POU2F3: variants seen among roughly 807,000 people sequenced by gnomAD.
The protein encoded by POU2F3 is POU class 2 homeobox 3, also known as POU domain, class 2, transcription factor 3.
Under a neutral mutation model 59.2 loss-of-function variants are expected in POU2F3, and 23 were observed. The ratio of observed to expected loss-of-function variants is 0.39; its 90% CI spans 0.28 to 0.55. The LOEUF is 0.55. Ranked by LOEUF, POU2F3 falls within the 20% of genes least tolerant of loss-of-function variation. The probability of loss-of-function intolerance (pLI) is 0.66; values close to 1 mark genes in which losing one functional copy is unlikely to be tolerated. For missense variants in POU2F3, 473 were observed against 544.5 expected, an observed-to-expected ratio of 0.87 and a Z score of 1.31; for synonymous variants, 190 against 214.6, an observed-to-expected ratio of 0.89 and a Z score of 1.00.
At chr11:120,238,025 G>T (rs1417811528), upstream of POU2F3, among the ~76,000 whole-genome samples, 1 of 152,134 alleles carries the variant, frequency 6.6e-6, no homozygotes, top group East Asian at 1.9e-4. Flanking sequence ...CAGATCACCT[G>T]AGGTCAGGAG....
chr11:120,293,738 T>C (rs767856967), intron 3 of POU2F3, among the ~76,000 whole-genome samples: 1 of 152,110 alleles, frequency 6.6e-6, no homozygotes, highest in Non-Finnish European at 1.5e-5. Context: ...GGGTTAAAGA[T>C]GAGTACCCCA....
At position 120,302,145 on chromosome 11, in the gene POU2F3, A is replaced by G. The variant is rs192733883; in HGVS notation, c.362-141A>G. ...CTGGCAGTGCTAGGAGGGCCTCTCC[A>G]TGGGACTTGAGGTGGGTGGAGGGAC... On this transcript the variant is annotated intron_variant, in intron 5 of 12. Coordinates refer to ENST00000543440, the MANE Select transcript of POU2F3 (RefSeq NM_014352.4). 54 of 668,282 alleles carry G rather than the reference A, an allele frequency of 8.1e-5. No homozygotes were observed. The Admixed American group carries it at 1.0e-3, about 13-fold the overall frequency. The allele number at this position is 668,282 out of a possible 1,614,324, so 41.4% of individuals were successfully genotyped here.
At chr11:120,237,028 G>A (rs190926875), upstream of POU2F3, among the ~76,000 whole-genome samples, 447 of 152,312 alleles carry the variant, frequency 2.9e-3, 1 homozygote, top group Non-Finnish European at 5.1e-3. Flanking sequence ...AGAAGGGGAA[G>A]CTCAGATTCA....
chr11:120,285,405 C>G lies in POU2F3; in HGVS notation c.133-12860C>G, dbSNP rs139560145. Reference sequence around the variant, plus strand: ...CCCGCTTCTGTTTCAGGGCCTGTGTCTGTCCCAATCACATGGCAGCCCTTC... The same window carrying G: ...CCCGCTTCTGTTTCAGGGCCTGTGTGTGTCCCAATCACATGGCAGCCCTTC... On this transcript the variant is annotated intron_variant, in intron 3 of 12. Coordinates refer to ENST00000543440, the MANE Select transcript of POU2F3 (RefSeq NM_014352.4). This position sits in a 1 kb window ranked among gnomAD's most constrained non-coding sequence, Gnocchi z 4.3. Among the ~76,000 whole-genome samples the G allele has an allele frequency of 8.9e-3, 1,355 of 152,308 alleles. 7 individuals are homozygous for G. The highest frequency in any genetic ancestry group is 0.014 in the Non-Finnish European group (982 of 68,032).
chr11:120,309,414 G>T lies in POU2F3; in HGVS notation c.907-11G>T. On this transcript the variant is annotated splice_polypyrimidine_tract_variant and intron_variant, in intron 9 of 12. Coordinates refer to ENST00000543440, the MANE Select transcript of POU2F3 (RefSeq NM_014352.4). The stretch of plus-strand genomic sequence containing the variant: ...TCTCTTGGCCATACTCTGTCCTTTC[G>T]GTGCCTATAGAACCCAAAACCCAGC... 3.1e-6 allele frequency: 5 copies of T among 1,607,040 alleles called. No individual in the cohort carries two copies. Among genetic ancestry groups the T allele is most frequent in the Non-Finnish European group, 4.3e-6 (5 of 1,173,914 alleles).
chr11:120,254,314 G>C (rs1939241833), intron 2 of POU2F3: 1 of 152,388 alleles, frequency 6.6e-6, no homozygotes, highest in South Asian at 2.1e-4. Flanking sequence ...CACCCGCATA[G>C]ACAAGCAGAC....
chr11:120,240,005 C>G (rs928826519), upstream of POU2F3, among the ~76,000 whole-genome samples: 2 of 152,128 alleles, frequency 1.3e-5, no homozygotes, highest in Non-Finnish European at 1.5e-5. Flanking sequence ...CCCGGCAGCA[C>G]CCCCGGCCCC....
chr11:120,240,973 A>C (rs1938639647), intron 1 of POU2F3, among the ~76,000 whole-genome samples: 1 of 152,132 alleles, frequency 6.6e-6, no homozygotes, highest in Non-Finnish European at 1.5e-5. Flanking sequence ...TAAGGGGTGG[A>C]AACCTAGGAG....
At chr11:120,271,159 A>G (rs975823816) in intron 3 of POU2F3, among the ~76,000 whole-genome samples, 1 of 152,218 alleles carries the variant, frequency 6.6e-6, no homozygotes, top group Admixed American at 6.5e-5. Flanking sequence ...ATGAAAGCCA[A>G]CTACCCTCCC....
intron 3 of POU2F3, among the ~76,000 whole-genome samples, chr11:120,274,104 G>GAAGA: frequency 1.3e-5 from 1 of 74,704 alleles, no homozygotes; most frequent in South Asian, 4.5e-4. Context: ...AGGAAGGAAG[G>GAAGA]AAGAAAGGAA....
chr11:120,290,040 C>T (rs1200608064), intron 3 of POU2F3, among the ~76,000 whole-genome samples: 3 of 152,184 alleles, frequency 2.0e-5, no homozygotes, highest in Non-Finnish European at 2.9e-5. Flanking sequence ...GGGCAGGAAA[C>T]TGTTTCATTC....
rs924654606 is a variant in POU2F3 at position 120,245,780 on chromosome 11, T to G, written c.29-669T>G. ...TAGGTATTCTCTTTCTGTGGGGCAC[T>G]GACCCGCTGCCATCCCTTTCTCACT... On this transcript the variant is annotated intron_variant, in intron 1 of 12. Coordinates refer to ENST00000543440, the MANE Select transcript of POU2F3 (RefSeq NM_014352.4). Among the ~76,000 whole-genome samples, 5 of 152,200 alleles carry G rather than the reference T, an allele frequency of 3.3e-5. No homozygotes were observed. In the East Asian group the frequency reaches 9.6e-4, roughly 29 times the overall value.
At chr11:120,295,555 TGTA>T (rs1250243030) in intron 3 of POU2F3, among the ~76,000 whole-genome samples, 1 of 152,240 alleles carries the variant, frequency 6.6e-6, no homozygotes, top group African/African-American at 2.4e-5. Flanking sequence ...ACCTTAAAGT[TGTA>T]GTGGTGGTGG....
In POU2F3 at chr11:120,279,415, T is replaced by C. The variant is rs115211200; in HGVS notation, c.132+10171T>C. Among the ~76,000 whole-genome samples, 497 of 152,322 alleles carry C rather than the reference T, an allele frequency of 3.3e-3. 4 individuals carry two copies. The highest frequency in any genetic ancestry group is 0.011 in the African/African-American group (472 of 41,574). On this transcript the variant is annotated intron_variant, in intron 3 of 12. Coordinates refer to ENST00000543440, the MANE Select transcript of POU2F3 (RefSeq NM_014352.4). ...ACGCACCAATAAACATTAGCTCTTA[T>C]TATTTTCTGATGAATAAGAACCCAT...
chr11:120,252,210 T>G (rs199701009), intron 2 of POU2F3, among the ~76,000 whole-genome samples: 1 of 130,864 alleles, frequency 7.6e-6, no homozygotes, highest in Non-Finnish European at 1.6e-5. Context: ...GCTTTTCTTT[T>G]TTTTTTTTTT....
intron 3 of POU2F3, among the ~76,000 whole-genome samples, chr11:120,283,575 A>T (rs951996203): frequency 5.9e-5 from 9 of 152,178 alleles, no homozygotes; most frequent in African/African-American, 9.7e-5. Flanking sequence ...AGCTCCCGAA[A>T]GCAGAGAGGA....
intron 11 of POU2F3, among the ~76,000 whole-genome samples, chr11:120,316,258 C>G (rs907969582): frequency 2.0e-5 from 3 of 152,158 alleles, no homozygotes; most frequent in Admixed American, 2.0e-4. Flanking sequence ...GTTTGGGAAA[C>G]ACAAACACAA....
intron 10 of POU2F3, among the ~76,000 whole-genome samples, chr11:120,311,650 C>A (rs1365216222): frequency 6.6e-6 from 1 of 152,058 alleles, no homozygotes; most frequent in Non-Finnish European, 1.5e-5. Flanking sequence ...TACAGTGAGG[C>A]CTGCAGGATA....
chr11:120,308,823 G>A (rs1487112622), intron 9 of POU2F3, among the ~76,000 whole-genome samples: 12 of 151,134 alleles, frequency 7.9e-5, no homozygotes, highest in African/African-American at 1.2e-4. Context: ...CTGTAATCCC[G>A]GCTACTCAGG....
Sources: allele counts gnomAD v4.1 joint callset (sites outside exome capture counted in the v4.1 genomes callset), GRCh38; gene constraint gnomAD v4.1.1; non-coding constraint Gnocchi (gnomAD v3.1); transcripts MANE v1.5; gene names NCBI Gene and HGNC (gene_info 2026-07-23, HGNC 2026-07-21).